The following SAP130 variants were observed in gnomAD, a reference collection of about 807,000 sequenced individuals.
The protein encoded by SAP130 is Sin3A associated protein 130.
SAP130 carries 16 observed loss-of-function variants against 103.2 expected under a neutral mutation model. The observed-to-expected ratio is 0.16, with a 90% CI of 0.10 to 0.24. The LOEUF (loss-of-function observed/expected upper bound fraction) is 0.24. Ranked by LOEUF, SAP130 falls within the 10% of genes least tolerant of loss-of-function variation. The pLI is 1.00. For synonymous variants in SAP130, 477 were observed against 497.0 expected (o/e 0.96, Z 0.53); for missense variants, 990 against 1,359.7 (o/e 0.73, Z 4.28).
Position 128,027,949 on chromosome 2 carries a change from G to C in SAP130, c.-16C>G, listed in dbSNP as rs964632106. 2 of 985,284 alleles carry C rather than the reference G, an allele frequency of 2.0e-6. No individual in the cohort carries two copies. Among genetic ancestry groups the C allele is most frequent in the Non-Finnish European group, 2.4e-6 (2 of 830,020 alleles). 61.0% of individuals were successfully genotyped at this position (985,284 alleles called of 1,614,324 possible). A position where few individuals can be genotyped will look rare whatever the true frequency, so the allele number is the denominator to read the frequency against. On this transcript the variant is annotated 5_prime_UTR_variant, in exon 1 of 21. Coordinates refer to ENST00000643581, the MANE Select transcript of SAP130 (RefSeq NM_001330301.2). ...CCCGTCCCGCCATTACCTGGGTGCT[G>C]CGCCCAGTGGCCGCCGCGCCGCCTT... is the stretch of plus-strand genomic sequence containing the variant.
intron 15 of SAP130, among the ~76,000 whole-genome samples, chr2:127,963,017 AG>A (rs1172072424): frequency 2.0e-5 from 3 of 151,544 alleles, no homozygotes; most frequent in African/African-American, 4.9e-5. Context: ...GAAAAAAAAA[AG>A]AAAAAACAAA....
At chr2:127,959,816 A>C (rs527478666) in intron 15 of SAP130, among the ~76,000 whole-genome samples, 12 of 152,312 alleles carry the variant, frequency 7.9e-5, no homozygotes, top group Middle Eastern at 6.8e-3. Flanking sequence ...AGATAGAAAA[A>C]ACTTAGTAAA....
rs538864695 is a variant in SAP130, at chr2:127,999,679, C to A, written c.1213+62G>T. The A allele has an allele frequency of 1.3e-5, 11 of 834,826 alleles. No homozygotes were observed. In the South Asian group the frequency reaches 2.8e-4, roughly 21 times the overall value. The allele number at this position is 834,826 out of a possible 1,614,324, so 51.7% of individuals were successfully genotyped here. On this transcript the variant is annotated intron_variant, in intron 10 of 20. Transcript: ENST00000643581. ...TCAATACTAGCCATCACCATGAAGG[C>A]CTAGTCTGAGGGGTTACAGCACTCC...
rs758081189 is a variant in SAP130, at chr2:127,986,841, G to A, written c.1902C>T (p.Pro634=). Residue 634 remains proline, a synonymous_variant, in exon 14 of 21, where the codon CCC becomes CCT. Coordinates refer to ENST00000643581, the MANE Select transcript of SAP130 (RefSeq NM_001330301.2). This position sits in a 1 kb window ranked among gnomAD's most constrained non-coding sequence, Gnocchi z 4.7. ...TTGGCCGTGGCGATGAGCCCTGGGC[G>A]GGAGCGTTGGTGCTAGCACTCTGGC... ...THSQSASTNA[P]AQGSSPRPSI... is the part of the protein sequence containing the mutation. The A allele has an allele frequency of 3.7e-6, 6 of 1,614,096 alleles. No individual in the cohort carries two copies. Among genetic ancestry groups the A allele is most frequent in the East Asian group, 4.5e-5 (2 of 44,904 alleles).
At chr2:127,972,138 CACA>C (rs1681133858) in intron 15 of SAP130, among the ~76,000 whole-genome samples, 1 of 152,244 alleles carries the variant, frequency 6.6e-6, no homozygotes, top group South Asian at 2.1e-4. Context: ...GCCCTACCTC[CACA>C]ACTTCTCTGA....
intron 16 of SAP130, 127 bp from the exon 17 acceptor site, chr2:127,950,535 G>T: frequency 9.1e-7 from 1 of 1,101,430 alleles, no homozygotes; most frequent in Non-Finnish European, 1.3e-6. Context: ...GTCTTCCTAT[G>T]TGTCTGGCAC....
In SAP130 at chr2:127,953,808, C is replaced by T. The variant is rs764582092; in HGVS notation, c.2422+1178G>A. Among the ~76,000 whole-genome samples the T allele has an allele frequency of 4.6e-5, 7 of 152,148 alleles. No individual in the cohort carries two copies. Among genetic ancestry groups the T allele is most frequent in the Non-Finnish European group, 1.0e-4 (7 of 68,026 alleles). ...CTAAAACTCTTTACACACATTCCAG[C>T]CCTGGCTACAGCTTTCCTTATATTT... On this transcript the variant is annotated intron_variant, in intron 16 of 20. Transcript: ENST00000643581. This position sits in a 1 kb window ranked among gnomAD's most constrained non-coding sequence, Gnocchi z 4.0.
At chr2:127,977,514 C>A (rs1281982261) in intron 15 of SAP130, among the ~76,000 whole-genome samples, 1 of 151,456 alleles carries the variant, frequency 6.6e-6, no homozygotes, top group African/African-American at 2.4e-5. Flanking sequence ...ACAGAAAAAA[C>A]AAAAATAAAT....
In SAP130 at chr2:127,986,763, C is replaced by T. The variant is rs769542706; in HGVS notation, c.1958+22G>A. The T allele has an allele frequency of 1.3e-5, 21 of 1,606,490 alleles. No individual in the cohort carries two copies. In the South Asian group the frequency reaches 1.4e-4, roughly 11 times the overall value. ...TATATCCAGAACCAGAGGTGTCATT[C>T]GGCACTACCAGGTCTACTCACCCAT... On this transcript the variant is annotated intron_variant, in intron 14 of 20. Coordinates refer to ENST00000643581, the MANE Select transcript of SAP130 (RefSeq NM_001330301.2). The surrounding 1 kb of genome is among the most constrained non-coding windows in gnomAD (Gnocchi z 4.7).
At chr2:127,970,036 T>C (rs1680958948) in intron 15 of SAP130, among the ~76,000 whole-genome samples, 1 of 151,926 alleles carries the variant, frequency 6.6e-6, no homozygotes, top group African/African-American at 2.4e-5. Flanking sequence ...GAGACCATCC[T>C]GGCCAACATG....
Position 127,955,061 on chromosome 2 carries a change from C to T in SAP130, c.2347G>A (p.Val783Ile), listed in dbSNP as rs376317469. The change falls in exon 16 of 21, where the codon GTC (valine) becomes ATC (isoleucine). Residue 783 changes from valine (V) to isoleucine (I), a missense_variant. Val to Ile is a conservative substitution (Grantham distance 29). Transcript: ENST00000643581. The surrounding 1 kb of genome is among the most constrained non-coding windows in gnomAD (Gnocchi z 4.9). The part of the protein sequence containing the change: ...SVTVGGSLSS[V>I]LGPPVPEIKV... ...ATTTCAGGAACGGGAGGGCCCAAGACGGAGGAAAGACTGCCACCCACAGTG... is the reference window on the plus strand; with the variant it reads ...ATTTCAGGAACGGGAGGGCCCAAGATGGAGGAAAGACTGCCACCCACAGTG... 33 of 1,613,926 alleles carry T rather than the reference C, an allele frequency of 2.0e-5. No homozygotes were observed. The highest frequency in any genetic ancestry group is 3.3e-5 in the Admixed American group (2 of 59,980).
intron 13 of SAP130, among the ~76,000 whole-genome samples, chr2:127,987,290 T>C (rs763556521): frequency 3.9e-5 from 6 of 152,216 alleles, no homozygotes; most frequent in Non-Finnish European, 5.9e-5. Context: ...GTTCAAGTGA[T>C]TCTCCTGCCT....
At chr2:128,003,060 CA>C (rs1430895780) in intron 7 of SAP130, among the ~76,000 whole-genome samples, 1 of 151,570 alleles carries the variant, frequency 6.6e-6, no homozygotes, top group Non-Finnish European at 1.5e-5. Context: ...GCCCAGGAGG[CA>C]GAGGTTACAG....
chr2:127,979,184 C>T (rs946563380), intron 14 of SAP130, among the ~76,000 whole-genome samples: 1 of 152,126 alleles, frequency 6.6e-6, no homozygotes. Flanking sequence ...CATGTGACGA[C>T]GGAGGCAGAG....
At chr2:128,009,477 A>G (rs1684226747) in intron 7 of SAP130, among the ~76,000 whole-genome samples, 1 of 152,120 alleles carries the variant, frequency 6.6e-6, no homozygotes, top group Non-Finnish European at 1.5e-5. Flanking sequence ...TCTCCAAAAA[A>G]TAATAATAAT....
intron 2 of SAP130, among the ~76,000 whole-genome samples, chr2:128,021,146 G>A (rs1187943118): frequency 6.6e-6 from 1 of 151,956 alleles, no homozygotes; most frequent in Non-Finnish European, 1.5e-5. Context: ...AAGTACAAGT[G>A]CTGGATGAAA....
At chr2:127,988,525 C>G (rs987801945) in intron 13 of SAP130, among the ~76,000 whole-genome samples, 2 of 151,214 alleles carry the variant, frequency 1.3e-5, no homozygotes, top group African/African-American at 4.9e-5. Context: ...CAATAATAAT[C>G]CAAGTACATG....
chr2:128,000,582 A>T, intron 7 of SAP130, 128 bp from the exon 8 acceptor site: 2 of 1,014,848 alleles, frequency 2.0e-6, no homozygotes, highest in South Asian at 3.3e-5. Context: ...CTTGGTCTTT[A>T]ATCACACCAA....
At chr2:127,947,764 C>CTGTGTGTGTGAGTGTGTGTGAG (rs147211610) in intron 18 of SAP130, among the ~76,000 whole-genome samples, 1 of 143,312 alleles carries the variant, frequency 7.0e-6, no homozygotes, top group Non-Finnish European at 1.5e-5. Context: ...TTGTGTGTGT[C>CTGTGTGTGTGAGTGTGTGTGAG]TGTGTGTGTG....
Sources: gnomAD v4.1 joint callset for allele counts (sites outside exome capture counted in the v4.1 genomes callset) on GRCh38, gnomAD v4.1.1 for gene constraint, Gnocchi (gnomAD v3.1) non-coding constraint, MANE v1.5 for transcripts, NCBI Gene and HGNC (gene_info 2026-07-23, HGNC 2026-07-21) for gene names.